TECPR1: variants seen among roughly 807,000 people sequenced by gnomAD.
TECPR1 encodes tectonin beta-propeller repeat-containing protein 1.
Under a neutral mutation model 162.4 loss-of-function variants are expected in TECPR1, and 122 were observed. The observed-to-expected ratio is 0.75, with a 90% CI of 0.65 to 0.87. The LOEUF (loss-of-function observed/expected upper bound fraction) is 0.87, where lower values mean the gene tolerates loss of function less well. Ranked by LOEUF, TECPR1 falls within the 40% of genes least tolerant of loss-of-function variation. The pLI is 0.00. For missense variants in TECPR1, 1,432 were observed against 1,618.2 expected, an observed-to-expected ratio of 0.88 and a Z score of 1.97; for synonymous variants, 642 against 670.6, an observed-to-expected ratio of 0.96 and a Z score of 0.66.
intron 9 of TECPR1, among the ~76,000 whole-genome samples, chr7:98,238,145 G>A (rs1193291315): frequency 2.0e-5 from 3 of 152,152 alleles, no homozygotes; most frequent in Non-Finnish European, 4.4e-5. Context: ...AAGGTTTCTG[G>A]GTAGGCATCC....
intron 21 of TECPR1, 106 bp from the exon 22 acceptor site, chr7:98,222,627 C>G: frequency 1.4e-6 from 2 of 1,380,700 alleles, no homozygotes; most frequent in Non-Finnish European, 1.9e-6. Flanking sequence ...GCATAGGTGG[C>G]TGGGGGACAG....
At chr7:98,233,038 G>A (rs930038358) in intron 11 of TECPR1, 66 bp from the exon 12 acceptor site, 2 of 1,507,626 alleles carry the variant, frequency 1.3e-6, no homozygotes, top group African/African-American at 2.8e-5. Context: ...GGAAGCCACG[G>A]CGCTCCCCTC....
intron 19 of TECPR1, among the ~76,000 whole-genome samples, chr7:98,224,112 C>G (rs553991997): frequency 6.6e-6 from 1 of 152,286 alleles, no homozygotes; most frequent in African/African-American, 2.4e-5. Context: ...CAAGAGCCCT[C>G]GGTCAGGATG....
At chr7:98,227,753 C>T (rs562395424) in intron 17 of TECPR1, among the ~76,000 whole-genome samples, 24 of 136,452 alleles carry the variant, frequency 1.8e-4, no homozygotes, top group Non-Finnish European at 1.5e-4. Flanking sequence ...ACCCAGGAGG[C>T]GGAGGTTGCA....
chr7:98,224,752 C>T (rs774420685), intron 19 of TECPR1, 49 bp downstream of exon 19: 292 of 1,521,178 alleles, frequency 1.9e-4, no homozygotes, highest in Non-Finnish European at 2.5e-4. Flanking sequence ...ACTCCAGGGC[C>T]CTGACATTCA....
Position 98,236,860 on chromosome 7 carries a change from T to A in TECPR1, c.1097A>T (p.Glu366Val), listed in dbSNP as rs1409464701. 3.2e-6 allele frequency: 5 copies of A among 1,581,432 alleles called. No homozygotes were observed. The Admixed American group carries it at 7.2e-5, about 23-fold the overall frequency. The change falls in exon 10 of 26, where the codon GAG (glutamate) becomes GTG (valine). Residue 366 changes from glutamate to valine, a missense_variant. Transcript: ENST00000447648. ...GGCTTTCCAGGTCTTCCCACTGAGC[T>A]CGCTGGGGGTGACACCCTGCCGGAA... is the stretch of plus-strand genomic sequence containing the variant. ...VYFRQGVTPS[E>V]LSGKTWKAII...
intron 5 of TECPR1, 74 bp downstream of exon 5, chr7:98,244,497 G>A (rs59843432): frequency 6.6e-7 from 1 of 1,525,344 alleles, no homozygotes; most frequent in South Asian, 1.3e-5. Flanking sequence ...AGGTGGGGAA[G>A]GTGGAGAGGA....
intron 10 of TECPR1, among the ~76,000 whole-genome samples, chr7:98,235,086 G>GA (rs1798558907): frequency 6.6e-6 from 1 of 152,020 alleles, no homozygotes; most frequent in African/African-American, 2.4e-5. Flanking sequence ...TAATTCTGAT[G>GA]AAGTCCAATT....
chr7:98,223,585 G>T, intron 20 of TECPR1, 77 bp downstream of exon 20: 2 of 1,507,810 alleles, frequency 1.3e-6, no homozygotes, highest in Non-Finnish European at 9.2e-7. Flanking sequence ...GGCCCGGGGT[G>T]CAGGGAACCA....
Position 98,232,064 on chromosome 7 carries a change from GCCCA to G in TECPR1, c.1819-109_1819-106del, listed in dbSNP as rs1232823062. ...GAGGAGGAGGCAGGGCTGGGGTAGG[GCCCA>G]CCCAGCACTCCCGGCTGTCAGCCCA... is the stretch of plus-strand genomic sequence containing the variant. On this transcript the variant is annotated intron_variant, in intron 12 of 25. Transcript: ENST00000447648. The surrounding 1 kb of genome is among the most constrained non-coding windows in gnomAD (Gnocchi z 4.6). 7.9e-7 allele frequency: 1 copy of G among 1,260,238 alleles called. No individual in the cohort carries two copies. Among genetic ancestry groups the G allele is most frequent in the Non-Finnish European group, 1.1e-6 (1 of 914,144 alleles). The allele number at this position is 1,260,238 out of a possible 1,614,324, so 78.1% of individuals were successfully genotyped here. A position where few individuals can be genotyped will look rare whatever the true frequency, so the allele number is the denominator to read the frequency against.
intron 10 of TECPR1, 24 bp from the exon 11 acceptor site, chr7:98,233,935 C>T (rs1798526483): frequency 6.7e-7 from 1 of 1,495,084 alleles, no homozygotes; most frequent in East Asian, 2.5e-5. Context: ...AGGGCAGACC[C>T]ATCACTCCCT....
chr7:98,228,902 G>A, intron 16 of TECPR1, 137 bp downstream of exon 16: 1 of 1,273,182 alleles, frequency 7.9e-7, no homozygotes, highest in Non-Finnish European at 1.1e-6. Flanking sequence ...TGGCAGTGGT[G>A]AAGGTCACCT....
intron 8 of TECPR1, 71 bp downstream of exon 8, chr7:98,240,780 G>C: frequency 1.6e-6 from 2 of 1,283,686 alleles, no homozygotes; most frequent in Non-Finnish European, 2.2e-6. Flanking sequence ...GAGTCCAGTG[G>C]TGTGATCACA....
At chr7:98,243,666 G>A (rs893038226) in intron 5 of TECPR1, 74 bp from the exon 6 acceptor site, 19 of 1,522,878 alleles carry the variant, frequency 1.2e-5, no homozygotes, top group East Asian at 9.2e-5. Flanking sequence ...CCTCCCGCCC[G>A]CCTGCCATCC....
intron 2 of TECPR1, among the ~76,000 whole-genome samples, chr7:98,248,085 C>T (rs991048774): frequency 2.6e-5 from 4 of 152,196 alleles, no homozygotes; most frequent in African/African-American, 9.6e-5. Flanking sequence ...TAAGCTCTGC[C>T]ACTGACCACC....
rs887491573 is a variant in TECPR1, at chr7:98,245,909, T to C, written c.225+13A>G. On this transcript the variant is annotated intron_variant, in intron 3 of 25. Coordinates refer to ENST00000447648, the MANE Select transcript of TECPR1 (RefSeq NM_015395.3). ...CTGACCCGCTCGGCAACTCCAACCA[T>C]GAGGGTCACTACCTGATTCTCATAG... 3 of 1,584,124 alleles carry C rather than the reference T, an allele frequency of 1.9e-6. No homozygotes were observed. The highest frequency in any genetic ancestry group is 1.2e-5 in the South Asian group (1 of 86,758).
Position 98,222,474 on chromosome 7 carries a change from G to T in TECPR1, c.2976C>A (p.Ile992=), listed in dbSNP as rs747365609. The change falls in exon 22 of 26, where the codon ATC becomes ATA. Residue 992 remains isoleucine, a synonymous_variant. Transcript: ENST00000447648. ...HVGTDQPFAS[I]SIGACYQVWA... ...ACACCTGGTAGCAGGCCCCGATGGAGATGGAGGCGAAGGGCTGGTCGGTGC... is the reference window on the plus strand; with the variant it reads ...ACACCTGGTAGCAGGCCCCGATGGATATGGAGGCGAAGGGCTGGTCGGTGC... 6.3e-7 allele frequency: 1 copy of T among 1,594,930 alleles called. No homozygotes were observed. The highest frequency in any genetic ancestry group is 1.1e-5 in the South Asian group (1 of 87,836).
intron 24 of TECPR1, 43 bp from the exon 25 acceptor site, chr7:98,217,854 G>C (rs1384776178): frequency 6.5e-7 from 1 of 1,541,826 alleles, no homozygotes; most frequent in Non-Finnish European, 8.8e-7. Flanking sequence ...TACCTGCAGT[G>C]GGACGGCTGG....
chr7:98,217,809 G>C lies in TECPR1; in HGVS notation c.3267C>G (p.Val1089=). 2 of 1,550,342 alleles carry C rather than the reference G, an allele frequency of 1.3e-6. No homozygotes were observed. Among genetic ancestry groups the C allele is most frequent in the South Asian group, 1.2e-5 (1 of 83,976 alleles). The change falls in exon 25 of 26, where the codon GTC becomes GTG. Residue 1089 remains valine (V), a splice_region_variant and synonymous_variant. Coordinates refer to ENST00000447648, the MANE Select transcript of TECPR1 (RefSeq NM_015395.3). ...CCTGCACTTTGTTGGCGATCACCCA[G>C]ACCTGGAGCACAGACCCCATGAAGC... ...CRVSVGPLDQ[V]WVIANKVQGS...
Sources: gnomAD v4.1 joint callset for allele counts (sites outside exome capture counted in the v4.1 genomes callset) on GRCh38, gnomAD v4.1.1 for gene constraint, Gnocchi (gnomAD v3.1) non-coding constraint, MANE v1.5 for transcripts, NCBI Gene and HGNC (gene_info 2026-07-23, HGNC 2026-07-21) for gene names.